Variants in PTK2B observed in about 807,000 individuals in gnomAD.
PTK2B encodes protein tyrosine kinase 2 beta.
A neutral mutation model predicts 142.9 loss-of-function variants in PTK2B; 71 were observed. The observed-to-expected ratio is 0.50, with a 90% CI of 0.41 to 0.61. PTK2B has a LOEUF of 0.61. PTK2B is among the 20% of genes least tolerant of loss of function. PTK2B has a pLI of 0.00. For missense variants in PTK2B, 1,105 were observed against 1,320.4 expected, an observed-to-expected ratio of 0.84 and a Z score of 2.53; for synonymous variants, 519 against 503.4, an observed-to-expected ratio of 1.03 and a Z score of -0.42.
chr8:27,401,196 A>T (rs538661214), intron 2 of PTK2B, among the ~76,000 whole-genome samples: 18 of 152,296 alleles, frequency 1.2e-4, no homozygotes, highest in Admixed American at 3.3e-4. Flanking sequence ...AAAGGCTGAT[A>T]CAGAAAGAGC....
intron 5 of PTK2B, among the ~76,000 whole-genome samples, chr8:27,423,221 G>A (rs886072124): frequency 6.6e-6 from 1 of 152,082 alleles, no homozygotes; most frequent in East Asian, 1.9e-4. Flanking sequence ...GCTGCCAGGG[G>A]GTCATTGCCA....
At chr8:27,359,762 T>C (rs1380406548) in intron 1 of PTK2B, among the ~76,000 whole-genome samples, 2 of 152,196 alleles carry the variant, frequency 1.3e-5, no homozygotes, top group Non-Finnish European at 2.9e-5. Context: ...TCTTTCTTTC[T>C]TTCCTGGGAC....
intron 2 of PTK2B, among the ~76,000 whole-genome samples, chr8:27,416,525 CTG>C (rs61199156): frequency 0.39 from 58,701 of 151,988 alleles, 11,736 homozygotes; most frequent in Middle Eastern, 0.51. Context: ...AAAATTAAAA[CTG>C]TGAAGTTTAT....
chr8:27,374,359 C>A (rs1383507100), intron 1 of PTK2B, among the ~76,000 whole-genome samples: 1 of 152,222 alleles, frequency 6.6e-6, no homozygotes, highest in Non-Finnish European at 1.5e-5. Context: ...AGATGACTGT[C>A]ATGAAGGAAG....
chr8:27,333,840 A>G (rs1803899936), intron 1 of PTK2B, among the ~76,000 whole-genome samples: 1 of 152,016 alleles, frequency 6.6e-6, no homozygotes, highest in African/African-American at 2.4e-5. Context: ...AGATGTGATG[A>G]TTCCCAGGAC....
At chr8:27,413,672 G>A (rs1809205860) in intron 2 of PTK2B, among the ~76,000 whole-genome samples, 1 of 152,192 alleles carries the variant, frequency 6.6e-6, no homozygotes, top group African/African-American at 2.4e-5. Flanking sequence ...AAACCATGAT[G>A]ATCGGTTGTT....
chr8:27,367,213 A>G (rs1035654079), intron 1 of PTK2B, among the ~76,000 whole-genome samples: 23 of 152,338 alleles, frequency 1.5e-4, no homozygotes, highest in African/African-American at 5.3e-4. Context: ...CTCATTTGGA[A>G]ATAATGTCAA....
At chr8:27,329,189 G>C (rs1803589933) in intron 1 of PTK2B, among the ~76,000 whole-genome samples, 1 of 152,148 alleles carries the variant, frequency 6.6e-6, no homozygotes, top group East Asian at 1.9e-4. Context: ...GCCTGCCTCA[G>C]CCTCCCAAAG....
At position 27,394,081 on chromosome 8, in the gene PTK2B, A is replaced by C. The variant is rs542601559; in HGVS notation, c.-37-3467A>C. 2.6e-5 allele frequency among the ~76,000 whole-genome samples: 4 copies of C among 152,276 alleles called. No individual in the cohort carries two copies. The South Asian group carries it at 8.3e-4, about 32-fold the overall frequency. ...CACACCTGGACTATTGCTCCTACAG[A>C]CCTGTACAGCAGATTACTGTACTGA... On this transcript the variant is annotated intron_variant, in intron 1 of 30. Transcript: ENST00000346049.
At chr8:27,348,130 G>A (rs1804821701) in intron 1 of PTK2B, among the ~76,000 whole-genome samples, 1 of 152,158 alleles carries the variant, frequency 6.6e-6, no homozygotes, top group African/African-American at 2.4e-5. Context: ...AATGAGAACT[G>A]AGTAACATAT....
intron 2 of PTK2B, among the ~76,000 whole-genome samples, chr8:27,417,444 A>AT (rs1809471536): frequency 6.7e-6 from 1 of 149,348 alleles, no homozygotes; most frequent in Admixed American, 6.7e-5. Flanking sequence ...TAGTGGGGCC[A>AT]TGAGGGTGGA....
In PTK2B at chr8:27,458,325, A is replaced by G. The variant is rs1165175780; in HGVS notation, c.2846A>G (p.Asp949Gly). The change falls in exon 31 of 31, where the codon GAC (aspartate) becomes GGC (glycine). Residue 949 changes from aspartate to glycine, a missense_variant. By Grantham distance (94) the Asp-to-Gly change is moderately conservative. Transcript: ENST00000346049. Reference protein sequence around the residue: ...IEGTQKLLNKDLAELINKMRL... With the variant: ...IEGTQKLLNKGLAELINKMRL... Reference sequence around the variant, plus strand: ...GGCACCCAGAAACTGCTCAACAAAGACCTGGCAGAGCTCATCAACAAGATG... The same window carrying G: ...GGCACCCAGAAACTGCTCAACAAAGGCCTGGCAGAGCTCATCAACAAGATG... 1 of 1,614,114 alleles carries G rather than the reference A, an allele frequency of 6.2e-7. No homozygotes were observed. Among genetic ancestry groups the G allele is most frequent in the Non-Finnish European group, 8.5e-7 (1 of 1,180,016 alleles).
chr8:27,371,699 C>T (rs776580820), intron 1 of PTK2B, among the ~76,000 whole-genome samples: 36 of 152,110 alleles, frequency 2.4e-4, no homozygotes, highest in Non-Finnish European at 4.1e-4. Context: ...AGGCATGCAC[C>T]ACCATGCCCT....
intron 10 of PTK2B, 80 bp downstream of exon 10, chr8:27,432,441 A>C: frequency 7.3e-7 from 1 of 1,376,076 alleles, no homozygotes; most frequent in Non-Finnish European, 1.0e-6. Context: ...CTCAGACCAA[A>C]AGTCTGTGAC....
intron 1 of PTK2B, among the ~76,000 whole-genome samples, chr8:27,351,371 A>G (rs1345614827): frequency 6.6e-6 from 1 of 152,100 alleles, no homozygotes; most frequent in East Asian, 1.9e-4. Context: ...ATGGTCTCCA[A>G]GATGTTAGAA....
intron 27 of PTK2B, chr8:27,451,739 C>T: frequency 7.2e-7 from 1 of 1,391,012 alleles, no homozygotes; most frequent in Non-Finnish European, 9.3e-7. Flanking sequence ...GTGGCCACAT[C>T]CTTAGGCCCC....
chr8:27,418,404 A>G (rs940176697), intron 2 of PTK2B, among the ~76,000 whole-genome samples: 1 of 152,252 alleles, frequency 6.6e-6, no homozygotes, highest in African/African-American at 2.4e-5. Flanking sequence ...TTCTGAGAAA[A>G]ATAATATGCC....
chr8:27,427,915 G>A (rs971786447), intron 5 of PTK2B, among the ~76,000 whole-genome samples: 2 of 152,248 alleles, frequency 1.3e-5, no homozygotes, highest in South Asian at 2.1e-4. Context: ...CACCCTGGTT[G>A]GGGTGGGGGA....
intron 1 of PTK2B, among the ~76,000 whole-genome samples, chr8:27,344,033 T>G (rs1394715565): frequency 6.6e-6 from 1 of 151,908 alleles, no homozygotes. Flanking sequence ...AATAAAAAAA[T>G]AAAAATTTTT....
Sources: gnomAD v4.1 joint callset for allele counts (sites outside exome capture counted in the v4.1 genomes callset) on GRCh38, gnomAD v4.1.1 for gene constraint, MANE v1.5 for transcripts, NCBI Gene and HGNC (gene_info 2026-07-23, HGNC 2026-07-21) for gene names.